SAMD5: variants seen among roughly 807,000 people sequenced by gnomAD.
SAMD5 encodes sterile alpha motif domain containing 5.
SAMD5 carries 13 observed loss-of-function variants against 11.3 expected under a neutral mutation model. The observed-to-expected ratio is 1.15, with a 90% confidence interval of 0.75 to 1.83. The LOEUF is 1.83. Among genes scored for constraint, SAMD5 ranks in the 40% most tolerant of loss-of-function variants. SAMD5 has a pLI of 0.00. For missense variants in SAMD5, 255 were observed against 239.1 expected, an observed-to-expected ratio of 1.07 and a Z score of -0.44; for synonymous variants, 129 against 111.3, an observed-to-expected ratio of 1.16 and a Z score of -1.00.
At chr6:147,712,121 A>G (rs1327137604) in intron 1 of SAMD5, among the ~76,000 whole-genome samples, 2 of 152,208 alleles carry the variant, frequency 1.3e-5, no homozygotes, top group East Asian at 1.9e-4. Context: ...TGTGGCCTTT[A>G]TAGCTAGCTA....
intron 1 of SAMD5, among the ~76,000 whole-genome samples, chr6:147,680,524 A>G (rs1215695032): frequency 6.6e-6 from 1 of 152,040 alleles, no homozygotes; most frequent in Non-Finnish European, 1.5e-5. Flanking sequence ...TGCTTATTAC[A>G]CTGGTTAGAA....
At chr6:147,515,168 C>T (rs969375218) in intron 1 of SAMD5, among the ~76,000 whole-genome samples, 5 of 142,338 alleles carry the variant, frequency 3.5e-5, no homozygotes, top group African/African-American at 1.3e-4. Context: ...CAACCTATAT[C>T]CTTCCAGGTT....
the SAMD5 span, among the ~76,000 whole-genome samples, chr6:147,942,592 T>C: frequency 6.6e-6 from 1 of 152,214 alleles, no homozygotes; most frequent in Non-Finnish European, 1.5e-5. Flanking sequence ...GGAAGCCCAG[T>C]GTCTCCTACA....
chr6:147,800,701 T>G, the SAMD5 span, among the ~76,000 whole-genome samples: 1 of 152,184 alleles, frequency 6.6e-6, no homozygotes, highest in Non-Finnish European at 1.5e-5. Flanking sequence ...GTTTAATGTT[T>G]AATTCTAAAA....
chr6:147,658,320 C>T (rs1790598716), intron 1 of SAMD5, among the ~76,000 whole-genome samples: 1 of 152,144 alleles, frequency 6.6e-6, no homozygotes, highest in Non-Finnish European at 1.5e-5. Context: ...CTTAAAGCCA[C>T]CAAAACCAGT....
At chr6:147,619,890 G>C (rs1789932761) in intron 1 of SAMD5, among the ~76,000 whole-genome samples, 1 of 152,194 alleles carries the variant, frequency 6.6e-6, no homozygotes, top group African/African-American at 2.4e-5. Context: ...GGCTGTCCCT[G>C]ATGGAGTCAC....
chr6:147,924,258 G>A, the SAMD5 span, among the ~76,000 whole-genome samples: 1 of 152,046 alleles, frequency 6.6e-6, no homozygotes, highest in African/African-American at 2.4e-5. Flanking sequence ...GTTTAGCAGG[G>A]GGAACACTGT....
At chr6:147,606,117 G>A (rs549070606) in intron 1 of SAMD5, among the ~76,000 whole-genome samples, 10 of 152,218 alleles carry the variant, frequency 6.6e-5, no homozygotes, top group African/African-American at 2.2e-4. Flanking sequence ...TTTATCTTCC[G>A]GCTGTTTACA....
chr6:147,808,411 C>T, the SAMD5 span, among the ~76,000 whole-genome samples: 1 of 151,946 alleles, frequency 6.6e-6, no homozygotes, highest in African/African-American at 2.4e-5. Flanking sequence ...ACTATGTTGC[C>T]CAGGCTGTTC....
At chr6:147,525,369 G>T in intron 1 of SAMD5, among the ~76,000 whole-genome samples, 1 of 148,334 alleles carries the variant, frequency 6.7e-6, no homozygotes, top group East Asian at 2.0e-4. Context: ...TGTGTTGGAG[G>T]CAAGTGTGTC....
At chr6:147,534,690 G>A (rs966972831) in intron 1 of SAMD5, among the ~76,000 whole-genome samples, 17 of 152,274 alleles carry the variant, frequency 1.1e-4, no homozygotes, top group African/African-American at 4.1e-4. Context: ...GATCAGATGA[G>A]CCAGTTGATT....
chr6:147,564,803 G>C lies in SAMD5; in HGVS notation c.*347G>C, dbSNP rs1789010756. 5.0e-6 allele frequency: 5 copies of C among 998,168 alleles called. No individual in the cohort carries two copies. The highest frequency in any genetic ancestry group is 6.0e-6 in the Non-Finnish European group (5 of 836,756). 61.8% of individuals were successfully genotyped at this position (998,168 alleles called of 1,614,324 possible). Reference sequence around the variant, plus strand: ...GCTAAGGCATTTGAGTCATAACTTAGTTTAAGTACAATATAACAAAAAGGT... The same window carrying C: ...GCTAAGGCATTTGAGTCATAACTTACTTTAAGTACAATATAACAAAAAGGT... On this transcript the variant is annotated 3_prime_UTR_variant, in exon 2 of 2. Transcript: ENST00000367474.
chr6:147,895,741 T>G, the SAMD5 span, among the ~76,000 whole-genome samples: 1 of 152,218 alleles, frequency 6.6e-6, no homozygotes, highest in African/African-American at 2.4e-5. Context: ...AGAGGCTGAC[T>G]GGTTTGACCT....
chr6:147,911,363 C>T, the SAMD5 span, among the ~76,000 whole-genome samples: 1 of 152,098 alleles, frequency 6.6e-6, no homozygotes, highest in Admixed American at 6.5e-5. Context: ...TAGATCTCCA[C>T]CATATGAAGT....
At chr6:147,673,666 T>G (rs747479636) in intron 1 of SAMD5, among the ~76,000 whole-genome samples, 2 of 152,176 alleles carry the variant, frequency 1.3e-5, no homozygotes, top group Non-Finnish European at 2.9e-5. Flanking sequence ...AATGCTGATT[T>G]CATTTTTTTA....
chr6:147,870,806 G>C, the SAMD5 span, among the ~76,000 whole-genome samples: 2 of 147,834 alleles, frequency 1.4e-5, no homozygotes. Context: ...AAGAGGGAAG[G>C]GGAGGGAGGA....
At chr6:147,621,773 C>A (rs750842803) in intron 1 of SAMD5, among the ~76,000 whole-genome samples, 3 of 152,136 alleles carry the variant, frequency 2.0e-5, no homozygotes, top group Non-Finnish European at 4.4e-5. Context: ...CCATGGCAGG[C>A]ATTTTTGGAC....
chr6:147,535,986 AGTTTTTTTT>A (rs1788502266), intron 1 of SAMD5, among the ~76,000 whole-genome samples: 1 of 151,232 alleles, frequency 6.6e-6, no homozygotes, highest in African/African-American at 2.4e-5. Context: ...AAAATAACCA[AGTTTTTTTT>A]TTTTTTGAGA....
intron 1 of SAMD5, among the ~76,000 whole-genome samples, chr6:147,722,146 G>A (rs1791563830): frequency 6.6e-6 from 1 of 152,134 alleles, no homozygotes; most frequent in African/African-American, 2.4e-5. Context: ...TCATTTAAGA[G>A]TGTCTTTTTA....
Sources: allele counts gnomAD v4.1 joint callset (sites outside exome capture counted in the v4.1 genomes callset), GRCh38; gene constraint gnomAD v4.1.1; transcripts MANE v1.5; gene names NCBI Gene and HGNC (gene_info 2026-07-23, HGNC 2026-07-21).